BABAM2: variants seen among roughly 807,000 people sequenced by gnomAD.
BABAM2 encodes the protein BRISC and BRCA1 A complex member 2, also known as BRISC and BRCA1-A complex member 2.
BABAM2 carries 31 observed loss-of-function variants against 54.7 expected under a neutral mutation model. The observed-to-expected ratio is 0.57, with a 90% CI of 0.43 to 0.77. BABAM2 has a LOEUF of 0.77. Ranked by LOEUF, BABAM2 falls within the 30% of genes least tolerant of loss-of-function variation. BABAM2 has a pLI of 0.00. For missense variants in BABAM2, 364 were observed against 455.8 expected (o/e 0.80, Z 1.83); for synonymous variants, 167 against 162.9 (o/e 1.03, Z -0.19).
At chr2:28,194,955 CAA>C (rs1677361847) in intron 7 of BABAM2, among the ~76,000 whole-genome samples, 1 of 152,210 alleles carries the variant, frequency 6.6e-6, no homozygotes, top group South Asian at 2.1e-4. Context: ...CTCCGCCTCC[CAA>C]AGTGCTGGGA....
intron 6 of BABAM2, among the ~76,000 whole-genome samples, chr2:28,108,926 C>T (rs755798661): frequency 3.3e-5 from 5 of 152,042 alleles, no homozygotes; most frequent in Admixed American, 6.6e-5. Context: ...AGATAACTTC[C>T]GTTATCTCAG....
At chr2:28,054,428 C>T (rs867198729) in intron 6 of BABAM2, among the ~76,000 whole-genome samples, 14 of 152,098 alleles carry the variant, frequency 9.2e-5, no homozygotes, top group East Asian at 3.9e-4. Flanking sequence ...GTTAAAATGA[C>T]GTTAGCTATT....
intron 7 of BABAM2, chr2:28,233,241 A>G (rs951187416): frequency 1.1e-5 from 5 of 471,028 alleles, no homozygotes; most frequent in Non-Finnish European, 2.2e-5. Context: ...GGTCCCTTTC[A>G]TCTCCTCATA....
At chr2:28,000,738 A>G (rs1372666860) in intron 4 of BABAM2, among the ~76,000 whole-genome samples, 1 of 152,170 alleles carries the variant, frequency 6.6e-6, no homozygotes, top group African/African-American at 2.4e-5. Context: ...GTATGGACTT[A>G]TAGATATTTA....
intron 7 of BABAM2, among the ~76,000 whole-genome samples, chr2:28,179,996 C>A (rs7583746): frequency 0.47 from 71,607 of 151,766 alleles, 17,788 homozygotes; most frequent in Middle Eastern, 0.61. Context: ...AACAGCCTAC[C>A]CTCATGAATC....
intron 6 of BABAM2, among the ~76,000 whole-genome samples, chr2:28,111,006 T>C (rs1410165638): frequency 1.3e-5 from 2 of 151,068 alleles, no homozygotes; most frequent in Admixed American, 1.3e-4. Context: ...TCTCGCTTTG[T>C]CACCCAGGCT....
chr2:27,906,621 G>T (rs1297023481), intron 2 of BABAM2, among the ~76,000 whole-genome samples: 1 of 152,168 alleles, frequency 6.6e-6, no homozygotes, highest in Non-Finnish European at 1.5e-5. Context: ...ATTGGGGTCT[G>T]AGATTTTAGG....
At chr2:28,037,687 G>A (rs1250168854) in intron 5 of BABAM2, among the ~76,000 whole-genome samples, 1 of 152,150 alleles carries the variant, frequency 6.6e-6, no homozygotes, top group Admixed American at 6.5e-5. Flanking sequence ...GAAAGTGGTT[G>A]TTTCTCCACA....
intron 11 of BABAM2, among the ~76,000 whole-genome samples, chr2:28,305,702 T>C (rs1209080594): frequency 6.6e-6 from 1 of 152,220 alleles, no homozygotes; most frequent in East Asian, 1.9e-4. Flanking sequence ...GATTGCTGTA[T>C]TTCTTCTTGT....
chr2:27,898,659 C>T (rs1665531441), intron 2 of BABAM2, among the ~76,000 whole-genome samples: 2 of 152,106 alleles, frequency 1.3e-5, no homozygotes, highest in Non-Finnish European at 2.9e-5. Flanking sequence ...ACCTTGAAAA[C>T]ATTGTGCTAA....
chr2:28,095,861 G>A (rs1353586823), intron 6 of BABAM2, among the ~76,000 whole-genome samples: 1 of 152,194 alleles, frequency 6.6e-6, no homozygotes, highest in Non-Finnish European at 1.5e-5. Flanking sequence ...ACCAACAATG[G>A]AAGGTGATCA....
chr2:28,243,828 T>C (rs1682673044), intron 9 of BABAM2, among the ~76,000 whole-genome samples: 1 of 152,224 alleles, frequency 6.6e-6, no homozygotes, highest in African/African-American at 2.4e-5. Flanking sequence ...TTCTTTTACC[T>C]TTATAAGGGG....
At chr2:28,245,065 G>C (rs1330905610) in intron 10 of BABAM2, among the ~76,000 whole-genome samples, 2 of 152,058 alleles carry the variant, frequency 1.3e-5, no homozygotes, top group African/African-American at 2.4e-5. Flanking sequence ...CACCTCAGGG[G>C]ACGTTTGGCA....
intron 7 of BABAM2, among the ~76,000 whole-genome samples, chr2:28,187,710 C>G (rs375096685): frequency 7.3e-6 from 1 of 137,376 alleles, no homozygotes; most frequent in Non-Finnish European, 1.5e-5. Flanking sequence ...CTCCTGTGGC[C>G]CAGACTGGAG....
chr2:27,903,305 C>A lies in BABAM2; in HGVS notation c.128+8621C>A, dbSNP rs568817431. ...TGATAGCCAGTAGGACAAATTCCCC[C>A]CTTCCATCTTGTTCTAATTCTTAAA... On this transcript the variant is annotated intron_variant, in intron 2 of 11. Transcript: ENST00000379624. 6.6e-5 allele frequency among the ~76,000 whole-genome samples: 10 copies of A among 152,288 alleles called. No individual in the cohort carries two copies. The South Asian group carries it at 1.9e-3, about 28-fold the overall frequency.
chr2:28,025,523 G>T (rs1675590142), intron 5 of BABAM2, 103 bp downstream of exon 5: 3 of 1,122,594 alleles, frequency 2.7e-6, no homozygotes, highest in Non-Finnish European at 3.7e-6. Context: ...AGATAAACAT[G>T]GTCCAGGTAG....
intron 6 of BABAM2, among the ~76,000 whole-genome samples, chr2:28,102,416 G>A (rs761570168): frequency 2.0e-5 from 3 of 152,140 alleles, no homozygotes; most frequent in African/African-American, 4.8e-5. Flanking sequence ...CCATTTAAGA[G>A]TAGTAGAATT....
At chr2:28,112,680 G>A (rs1335013553) in intron 6 of BABAM2, among the ~76,000 whole-genome samples, 3 of 152,146 alleles carry the variant, frequency 2.0e-5, no homozygotes, top group African/African-American at 7.2e-5. Context: ...GTGTGCATGT[G>A]TCTTTATAGT....
chr2:28,323,450 C>T (rs892675732), intron 11 of BABAM2, among the ~76,000 whole-genome samples: 4 of 152,146 alleles, frequency 2.6e-5, no homozygotes, highest in African/African-American at 9.7e-5. Flanking sequence ...CTGTCTCTGG[C>T]TAAGTGGTTG....
Sources: gnomAD v4.1 joint callset for allele counts (sites outside exome capture counted in the v4.1 genomes callset) on GRCh38, gnomAD v4.1.1 for gene constraint, MANE v1.5 for transcripts, NCBI Gene and HGNC (gene_info 2026-07-23, HGNC 2026-07-21) for gene names.